The following NRG1 variants were observed in gnomAD, a reference collection of about 807,000 sequenced individuals.
The protein encoded by NRG1 is pro-neuregulin-1, membrane-bound isoform.
In NRG1, 18 loss-of-function variants were observed where a neutral mutation model predicts 63.8. That is an observed-to-expected ratio of 0.28 (90% confidence interval 0.19 to 0.42). The LOEUF is 0.42. Ranked by LOEUF, NRG1 falls within the 10% of genes least tolerant of loss-of-function variation. The pLI, the probability that NRG1 is intolerant of heterozygous loss-of-function variation, is 1.00. For missense variants in NRG1, 762 were observed against 814.7 expected, an observed-to-expected ratio of 0.94 and a Z score of 0.79; for synonymous variants, 302 against 301.3, an observed-to-expected ratio of 1.00 and a Z score of -0.02.
chr8:32,405,046 A>T (rs1278899684), intron 1 of NRG1, among the ~76,000 whole-genome samples: 1 of 152,214 alleles, frequency 6.6e-6, no homozygotes, highest in East Asian at 1.9e-4. Flanking sequence ...AAACATGGAG[A>T]AATTGCAGTG....
rs375697770 is a variant in NRG1 at position 31,967,611 on chromosome 8, A to G, written c.37+328180A>G. On this transcript the variant is annotated intron_variant, in intron 1 of 10. Transcript: ENST00000519301. ...CTTAGCATGCAATCAGGCATCCAAA[A>G]TTCCATGAAAACCAGAAGGCAGGGT... is the stretch of plus-strand genomic sequence containing the variant. Among the ~76,000 whole-genome samples the G allele has an allele frequency of 9.8e-5, 15 of 152,324 alleles. No homozygotes were observed. In the East Asian group the frequency reaches 2.7e-3, roughly 27 times the overall value.
intron 1 of NRG1, among the ~76,000 whole-genome samples, chr8:32,319,957 G>C (rs536260742): frequency 6.6e-6 from 1 of 152,184 alleles, no homozygotes; most frequent in East Asian, 1.9e-4. Flanking sequence ...ACAAAATATA[G>C]TGCGTGACCT....
chr8:32,081,940 G>T (rs538549025), intron 1 of NRG1, among the ~76,000 whole-genome samples: 6 of 152,106 alleles, frequency 3.9e-5, no homozygotes, highest in Non-Finnish European at 7.4e-5. Context: ...TAAAGCCTCT[G>T]GCCAATCTGC....
chr8:32,631,696 T>G (rs558349058), intron 5 of NRG1, among the ~76,000 whole-genome samples: 1 of 152,286 alleles, frequency 6.6e-6, no homozygotes, highest in South Asian at 2.1e-4. Context: ...CTTATGGTAT[T>G]TATAGTAGAT....
chr8:32,219,391 C>T lies in NRG1; in HGVS notation c.38-376437C>T, dbSNP rs116716533. On this transcript the variant is annotated intron_variant, in intron 1 of 10. Coordinates refer to the NRG1 transcript ENST00000519301. Reference sequence around the variant, plus strand: ...CAGGAGTAAAGAGGCTGCTCATTAACAAAGCCGTTTCAAAATCTATTGAAA... The same window carrying T: ...CAGGAGTAAAGAGGCTGCTCATTAATAAAGCCGTTTCAAAATCTATTGAAA... Among the ~76,000 whole-genome samples the T allele has an allele frequency of 2.2e-3, 338 of 152,302 alleles. 4 individuals carry two copies. Among genetic ancestry groups the T allele is most frequent in the African/African-American group, 7.8e-3 (324 of 41,572 alleles).
intron 2 of NRG1, among the ~76,000 whole-genome samples, chr8:32,597,536 C>T (rs975323106): frequency 3.3e-5 from 5 of 152,070 alleles, no homozygotes; most frequent in African/African-American, 1.2e-4. Flanking sequence ...TGTAAAGAGA[C>T]ATGGCATTTT....
chr8:32,209,957 G>A (rs1844522058), intron 1 of NRG1, among the ~76,000 whole-genome samples: 2 of 152,082 alleles, frequency 1.3e-5, no homozygotes, highest in African/African-American at 4.8e-5. Context: ...GGAAAGGATT[G>A]AGTCCTTCTC....
chr8:32,656,278 CA>C lies in NRG1; in HGVS notation c.502+39400del, dbSNP rs1353279673. On this transcript the variant is annotated intron_variant, in intron 5 of 11. Coordinates refer to ENST00000356819, the Ensembl canonical transcript of NRG1. ...TATTAATAGGTTTGGGAGGGGTGGA[CA>C]AAAAAACTTCTAGCCCTATGCCTAA... Among the ~76,000 whole-genome samples the C allele has an allele frequency of 6.6e-5, 10 of 151,154 alleles. No homozygotes were observed. In the South Asian group the frequency reaches 8.4e-4, roughly 13 times the overall value.
At chr8:32,160,888 C>T (rs566001516) in intron 1 of NRG1, among the ~76,000 whole-genome samples, 21 of 152,160 alleles carry the variant, frequency 1.4e-4, no homozygotes, top group South Asian at 4.2e-4. Context: ...TCTAAATTCC[C>T]GTAGAAAAGC....
At chr8:32,417,418 T>C (rs763107554) in intron 1 of NRG1, among the ~76,000 whole-genome samples, 10 of 152,172 alleles carry the variant, frequency 6.6e-5, no homozygotes, top group Non-Finnish European at 1.2e-4. Flanking sequence ...TCTTTCATTG[T>C]CTTTCTTGAG....
chr8:32,499,060 C>A (rs574449413), intron 1 of NRG1, among the ~76,000 whole-genome samples: 5 of 152,064 alleles, frequency 3.3e-5, no homozygotes, highest in Non-Finnish European at 5.9e-5. Context: ...AGGTAAGAGA[C>A]CTGCAAAGGG....
At position 32,153,922 on chromosome 8, in the gene NRG1, A is replaced by G. The variant is rs12114780; in HGVS notation, c.38-441906A>G. On this transcript the variant is annotated intron_variant, in intron 1 of 10. Coordinates refer to the NRG1 transcript ENST00000519301. ...TAGGGATCAAGTAACCACCCTGACT[A>G]TTGAGCTTCCCGATAAGACAACATG... 2.5e-3 allele frequency among the ~76,000 whole-genome samples: 381 copies of G among 152,332 alleles called. 1 individual carries two copies. Among genetic ancestry groups the G allele is most frequent in the African/African-American group, 8.9e-3 (371 of 41,586 alleles).
intron 3 of NRG1, among the ~76,000 whole-genome samples, chr8:32,608,806 A>T (rs987309746): frequency 6.6e-6 from 1 of 152,112 alleles, no homozygotes; most frequent in Non-Finnish European, 1.5e-5. Flanking sequence ...GCCTCTTTAT[A>T]ATTCCAAACT....
intron 1 of NRG1, among the ~76,000 whole-genome samples, chr8:31,948,002 C>A (rs1802890675): frequency 1.4e-5 from 2 of 142,802 alleles, no homozygotes; most frequent in South Asian, 2.3e-4. Context: ...GTTTTGAATG[C>A]TTTAATTCTT....
At chr8:32,299,826 T>C (rs367867387) in intron 1 of NRG1, among the ~76,000 whole-genome samples, 20 of 152,264 alleles carry the variant, frequency 1.3e-4, no homozygotes, top group Non-Finnish European at 2.5e-4. Flanking sequence ...CCCACTGCCA[T>C]GATTGAATTC....
At chr8:32,551,970 G>T (rs537379458) in intron 1 of NRG1, among the ~76,000 whole-genome samples, 1 of 150,214 alleles carries the variant, frequency 6.7e-6, no homozygotes, top group African/African-American at 2.5e-5. Context: ...AGTGCAGTGG[G>T]TGCAATCTCG....
chr8:31,811,785 A>T (rs191293224), intron 1 of NRG1, among the ~76,000 whole-genome samples: 56 of 152,292 alleles, frequency 3.7e-4, no homozygotes, highest in Non-Finnish European at 6.8e-4. Flanking sequence ...TTGTAATTTA[A>T]CGAAAGAGAG....
intron 1 of NRG1, among the ~76,000 whole-genome samples, chr8:32,163,777 C>T (rs772361966): frequency 6.6e-6 from 1 of 152,192 alleles, no homozygotes; most frequent in Non-Finnish European, 1.5e-5. Context: ...GAATATCATT[C>T]ATTTTCGGAT....
intron 1 of NRG1, among the ~76,000 whole-genome samples, chr8:32,200,913 G>T (rs1400153182): frequency 1.3e-5 from 2 of 151,920 alleles, no homozygotes; most frequent in Non-Finnish European, 2.9e-5. Flanking sequence ...AAGTCACCTG[G>T]CTGTGCAGCA....
Sources: gnomAD v4.1 joint callset for allele counts (sites outside exome capture counted in the v4.1 genomes callset) on GRCh38, gnomAD v4.1.1 for gene constraint, MANE v1.5 for transcripts, NCBI Gene and HGNC (gene_info 2026-07-23, HGNC 2026-07-21) for gene names.